The following SLC25A24 variants were observed in gnomAD, a reference collection of about 807,000 sequenced individuals.
SLC25A24 encodes mitochondrial adenyl nucleotide antiporter SLC25A24.
In SLC25A24, 49 loss-of-function variants were observed where a neutral mutation model predicts 60.7. That is an observed-to-expected ratio of 0.81 (90% CI 0.64 to 1.02). The LOEUF (loss-of-function observed/expected upper bound fraction) is 1.02, where lower values mean the gene tolerates loss of function less well. Among genes scored for constraint, SLC25A24 ranks in the 50% least tolerant of loss-of-function variants. The pLI is 0.00. For missense variants in SLC25A24, 564 were observed against 586.3 expected, an observed-to-expected ratio of 0.96 and a Z score of 0.39; for synonymous variants, 202 against 200.6, an observed-to-expected ratio of 1.01 and a Z score of -0.06.
At chr1:108,166,178 G>C (rs1348920109) in intron 3 of SLC25A24, among the ~76,000 whole-genome samples, 1 of 152,146 alleles carries the variant, frequency 6.6e-6, no homozygotes, top group Non-Finnish European at 1.5e-5. Context: ...TAGTCTGATG[G>C]GCTTCCATTT....
rs777916954 is a variant in SLC25A24 at position 108,192,591 on chromosome 1, A to AC, written c.184-6638dup. 5 of 1,497,986 alleles carry AC rather than the reference A, an allele frequency of 3.3e-6. 1 individual carries two copies. In the South Asian group the frequency reaches 5.2e-5, roughly 16 times the overall value. 92.8% of individuals were successfully genotyped at this position (1,497,986 alleles called of 1,614,324 possible). A position where few individuals can be genotyped will look rare whatever the true frequency, so the allele number is the denominator to read the frequency against. ...GTCCCATCCTTGTTATAGTCCAGGT[A>AC]CCAAAAGAGATCTCCGTAGAGGGAG... On this transcript the variant is annotated intron_variant, in intron 1 of 9. Coordinates refer to ENST00000565488, the MANE Select transcript of SLC25A24 (RefSeq NM_013386.5).
At chr1:108,136,874 G>A (rs775096775) in intron 9 of SLC25A24, 37 bp from the exon 10 acceptor site, 1 of 1,552,650 alleles carries the variant, frequency 6.4e-7, no homozygotes, top group South Asian at 1.1e-5. Context: ...TAATATTCAA[G>A]TATGTTTCAT....
Position 108,135,643 on chromosome 1 carries a change from T to C in SLC25A24, c.*1010A>G, listed in dbSNP as rs1679262168. On this transcript the variant is annotated 3_prime_UTR_variant, in exon 10 of 10. Coordinates refer to ENST00000565488, the MANE Select transcript of SLC25A24 (RefSeq NM_013386.5). ...GTATCTAATGTATAAGAGTAATACATACTACTATTAATATGTATCTCTCAC... is the reference window on the plus strand; with the variant it reads ...GTATCTAATGTATAAGAGTAATACACACTACTATTAATATGTATCTCTCAC... 1 of 152,430 alleles carries C rather than the reference T, an allele frequency of 6.6e-6. No individual in the cohort carries two copies. The highest frequency in any genetic ancestry group is 1.5e-5 in the Non-Finnish European group (1 of 68,036). The allele number at this position is 152,430 out of a possible 1,614,324, so 9.4% of individuals were successfully genotyped here.
intron 6 of SLC25A24, among the ~76,000 whole-genome samples, chr1:108,153,692 G>C (rs191402510): frequency 6.6e-6 from 1 of 152,220 alleles, no homozygotes; most frequent in African/African-American, 2.4e-5. Flanking sequence ...AAGAAAGTTA[G>C]TGTGCAGAAA....
At chr1:108,150,183 G>A (rs1240243563) in intron 6 of SLC25A24, among the ~76,000 whole-genome samples, 2 of 152,160 alleles carry the variant, frequency 1.3e-5, no homozygotes, top group Non-Finnish European at 2.9e-5. Flanking sequence ...CCTATCAAAA[G>A]TACAGAGTAA....
chr1:108,149,683 C>T (rs1571282419), intron 6 of SLC25A24, among the ~76,000 whole-genome samples: 2 of 152,122 alleles, frequency 1.3e-5, no homozygotes. Context: ...AGGTAAGCAG[C>T]TGCTGTCACC....
chr1:108,162,098 C>A (rs1680103871), intron 3 of SLC25A24, among the ~76,000 whole-genome samples: 1 of 152,142 alleles, frequency 6.6e-6, no homozygotes, highest in African/African-American at 2.4e-5. Flanking sequence ...TTTCCAATTT[C>A]ATCCATGTCC....
intron 8 of SLC25A24, among the ~76,000 whole-genome samples, chr1:108,140,846 CAGA>C (rs1391753095): frequency 1.3e-5 from 2 of 148,736 alleles, no homozygotes; most frequent in East Asian, 3.9e-4. Flanking sequence ...CAACAAAACA[CAGA>C]AGAAGCCAGG....
intron 8 of SLC25A24, among the ~76,000 whole-genome samples, chr1:108,140,302 A>T (rs1057100503): frequency 9.2e-5 from 14 of 152,142 alleles, no homozygotes; most frequent in African/African-American, 3.4e-4. Context: ...TGTATGGGCA[A>T]AACTGCCCTT....
Position 108,187,927 on chromosome 1 carries a change from G to GATAGATAGATATATATATATATATAT in SLC25A24, c.184-1974_184-1973insATATATATATATATATATCTATCTAT. Among the ~76,000 whole-genome samples the GATAGATAGATATATATATATATATAT allele has an allele frequency of 9.2e-3, 879 of 95,708 alleles. 36 individuals carry two copies. The highest frequency in any genetic ancestry group is 0.02 in the African/African-American group (488 of 24,018). The allele number at this position is 95,708 out of a possible 152,430, so 62.8% of individuals were successfully genotyped here. ...TACACGAAATGGATAAGACATTATA[G>GATAGATAGATATATATATATATATAT]ATATATATATATATATATTCATGCA... On this transcript the variant is annotated intron_variant, in intron 1 of 9. Transcript: ENST00000565488.
intron 1 of SLC25A24, among the ~76,000 whole-genome samples, chr1:108,190,529 T>A (rs1648310385): frequency 6.6e-6 from 1 of 152,108 alleles, no homozygotes. Context: ...AAATTTTGAG[T>A]CAAAGTTCTA....
intron 4 of SLC25A24, among the ~76,000 whole-genome samples, chr1:108,158,864 G>A (rs186044399): frequency 2.7e-4 from 41 of 152,132 alleles, no homozygotes; most frequent in Non-Finnish European, 4.1e-4. Context: ...TTAGCCAGGC[G>A]CAGTGGTGGG....
intron 3 of SLC25A24, among the ~76,000 whole-genome samples, chr1:108,179,405 C>CAT (rs745867236): frequency 6.7e-4 from 102 of 151,974 alleles, no homozygotes; most frequent in Non-Finnish European, 1.1e-3. Flanking sequence ...TGTGTGTATA[C>CAT]ATATATATAT....
rs191592070 is a variant in SLC25A24 at position 108,150,652 on chromosome 1, T to C, written c.823-2266A>G. ...TGCCCACCTCCTGCAAAATTATCCA[T>C]AGCTACTCACATATTTTTTCTTCCC... On this transcript the variant is annotated intron_variant, in intron 6 of 9. Coordinates refer to ENST00000565488, the MANE Select transcript of SLC25A24 (RefSeq NM_013386.5). Among the ~76,000 whole-genome samples the C allele has an allele frequency of 1.1e-3, 162 of 152,270 alleles. 1 individual carries two copies. The highest frequency in any genetic ancestry group is 8.1e-3 in the South Asian group (39 of 4,822).
intron 6 of SLC25A24, among the ~76,000 whole-genome samples, chr1:108,153,985 T>A (rs1273817042): frequency 6.6e-6 from 1 of 152,080 alleles, no homozygotes; most frequent in Non-Finnish European, 1.5e-5. Flanking sequence ...TTAATAATCA[T>A]GATTTGAATC....
chr1:108,179,783 A>C (rs935158197), intron 3 of SLC25A24, among the ~76,000 whole-genome samples: 4 of 152,172 alleles, frequency 2.6e-5, no homozygotes, highest in African/African-American at 9.7e-5. Context: ...TAAGTTCAAG[A>C]GCTCCACTAT....
chr1:108,196,509 G>A (rs752242791), intron 1 of SLC25A24, among the ~76,000 whole-genome samples: 8 of 152,188 alleles, frequency 5.3e-5, no homozygotes, highest in East Asian at 1.9e-4. Flanking sequence ...CACCAAGGAC[G>A]GAACTCTCTT....
At chr1:108,138,968 A>T in intron 9 of SLC25A24, 90 bp downstream of exon 9, 1 of 1,281,412 alleles carries the variant, frequency 7.8e-7, no homozygotes, top group Non-Finnish European at 1.0e-6. Flanking sequence ...TCTTAAAACT[A>T]CAGTCTGCAT....
Position 108,143,658 on chromosome 1 carries a change from T to C in SLC25A24, c.983A>G (p.Tyr328Cys), listed in dbSNP as rs1238600787. 1.2e-6 allele frequency: 2 copies of C among 1,613,904 alleles called. No individual in the cohort carries two copies. Among genetic ancestry groups the C allele is most frequent in the South Asian group, 1.1e-5 (1 of 91,062 alleles). Residue 328 changes from tyrosine (Y) to cysteine (C), a missense_variant, in exon 8 of 10, where the codon TAT (tyrosine) becomes TGT (cysteine). Transcript: ENST00000565488. Reference protein sequence around the residue: ...VGKTGQYSGIYDCAKKILKHE... With the variant: ...VGKTGQYSGICDCAKKILKHE... ...TTTCAAAATCTTCTTGGCACAATCA[T>C]ATATTCCAGAGTACTGCCCAGTTTT...
Sources: allele counts gnomAD v4.1 joint callset (sites outside exome capture counted in the v4.1 genomes callset), GRCh38; gene constraint gnomAD v4.1.1; transcripts MANE v1.5; gene names NCBI Gene and HGNC (gene_info 2026-07-23, HGNC 2026-07-21).